Variants in HS3ST3A1 observed in about 807,000 individuals in gnomAD.
HS3ST3A1 encodes the protein heparan sulfate glucosamine 3-O-sulfotransferase 3A1.
HS3ST3A1 carries 19 observed loss-of-function variants against 25.7 expected under a neutral mutation model. The ratio of observed to expected loss-of-function variants is 0.74; its 90% CI spans 0.52 to 1.08. The LOEUF is 1.08. Ranked by LOEUF, HS3ST3A1 falls within the 50% of genes least tolerant of loss-of-function variation. The pLI, the probability that HS3ST3A1 is intolerant of heterozygous loss-of-function variation, is 0.00. For missense variants in HS3ST3A1, 459 were observed against 594.3 expected (o/e 0.77, Z 2.37); for synonymous variants, 226 against 278.6 (o/e 0.81, Z 1.88).
chr17:13,523,999 G>A (rs1906331382), intron 1 of HS3ST3A1, among the ~76,000 whole-genome samples: 1 of 151,972 alleles, frequency 6.6e-6, no homozygotes, highest in Admixed American at 6.6e-5. Context: ...AAACATGATA[G>A]GTATATAGTG....
intron 1 of HS3ST3A1, among the ~76,000 whole-genome samples, chr17:13,522,610 C>T (rs997529456): frequency 9.2e-5 from 14 of 152,002 alleles, no homozygotes; most frequent in African/African-American, 3.4e-4. Context: ...TTTCAGGAGA[C>T]AATTATTAAG....
rs1362692825 is a variant in HS3ST3A1, at chr17:13,494,129, T to C, written c.*2068A>G. 6.6e-6 allele frequency among the ~76,000 whole-genome samples: 1 copy of C among 152,246 alleles called. No individual in the cohort carries two copies. On this transcript the variant is annotated 3_prime_UTR_variant, in exon 2 of 2. Coordinates refer to ENST00000284110, the MANE Select transcript of HS3ST3A1 (RefSeq NM_006042.3). The stretch of plus-strand genomic sequence containing the variant: ...CTTTGTGCAAGCCACTTTTGCATAA[T>C]GCCAAGCAAACACTTACAAAAGAAT...
intron 1 of HS3ST3A1, among the ~76,000 whole-genome samples, chr17:13,547,508 C>T (rs944960169): frequency 6.6e-6 from 1 of 152,090 alleles, no homozygotes; most frequent in Non-Finnish European, 1.5e-5. Flanking sequence ...CCATAAAAGC[C>T]CCTAAACAAC....
chr17:13,547,312 G>A (rs139906948), intron 1 of HS3ST3A1, among the ~76,000 whole-genome samples: 1 of 152,198 alleles, frequency 6.6e-6, no homozygotes, highest in Non-Finnish European at 1.5e-5. Flanking sequence ...TAAATGTGAT[G>A]ACTGATGGTT....
chr17:13,575,953 T>C (rs746754408), intron 1 of HS3ST3A1, among the ~76,000 whole-genome samples: 1 of 152,216 alleles, frequency 6.6e-6, no homozygotes, highest in Non-Finnish European at 1.5e-5. Context: ...TCCACACTAG[T>C]AGCATCAGCA....
intron 1 of HS3ST3A1, among the ~76,000 whole-genome samples, chr17:13,561,490 G>A (rs7210309): frequency 0.025 from 3,766 of 151,684 alleles, 143 homozygotes; most frequent in African/African-American, 0.086. Context: ...GGGTTTAAGC[G>A]ATTCTCCTGC....
intron 1 of HS3ST3A1, among the ~76,000 whole-genome samples, chr17:13,561,097 A>T (rs1375946374): frequency 1.3e-5 from 2 of 152,148 alleles, no homozygotes; most frequent in African/African-American, 4.8e-5. Flanking sequence ...CTTTTAAAAG[A>T]TGCAGAGATG....
intron 1 of HS3ST3A1, among the ~76,000 whole-genome samples, chr17:13,541,363 C>T (rs1257878480): frequency 3.3e-5 from 5 of 152,168 alleles, no homozygotes; most frequent in Admixed American, 3.3e-4. Context: ...TTAGCCACAG[C>T]TCAAAAGGTT....
In HS3ST3A1 at chr17:13,601,097, G is replaced by A; in HGVS notation, c.33C>T (p.Ser11=). Residue 11 remains serine, a synonymous_variant, in exon 1 of 2, where the codon TCC becomes TCT. Transcript: ENST00000284110. The stretch of plus-strand genomic sequence containing the variant: ...TGCGGGACAGCGGCTCGGCCGAGGT[G>A]GAGAGGGCACTGGCCGGGCCCGGAG... The part of the protein sequence containing the change: MAPPGPASAL[S]TSAEPLSRSI... 4 of 1,589,788 alleles carry A rather than the reference G, an allele frequency of 2.5e-6. No homozygotes were observed. Among genetic ancestry groups the A allele is most frequent in the Middle Eastern group, 1.7e-4 (1 of 5,990 alleles).
Position 13,600,959 on chromosome 17 carries a change from G to A in HS3ST3A1, c.171C>T (p.Ser57=), listed in dbSNP as rs111255219. The change falls in exon 1 of 2, where the codon TCC becomes TCT. Residue 57 remains serine, a synonymous_variant. Transcript: ENST00000284110. ...QTLSGPVVGL[S]GGGEEAGAPG... is the part of the protein sequence containing the mutation. The stretch of plus-strand genomic sequence containing the variant: ...GGGCCCCCGCCTCCTCGCCGCCGCC[G>A]GACAGCCCCACGACGGGGCCGGACA... 1.5e-4 allele frequency: 235 copies of A among 1,543,080 alleles called. No homozygotes were observed. Among genetic ancestry groups the A allele is most frequent in the East Asian group, 5.1e-5 (2 of 39,398 alleles).
intron 1 of HS3ST3A1, among the ~76,000 whole-genome samples, chr17:13,585,990 G>A (rs959611845): frequency 2.6e-5 from 4 of 151,136 alleles, no homozygotes; most frequent in Admixed American, 6.6e-5. Context: ...CTGGGACTAC[G>A]GGCGCGGACT....
chr17:13,509,168 T>C (rs1359280317), intron 1 of HS3ST3A1, among the ~76,000 whole-genome samples: 1 of 152,180 alleles, frequency 6.6e-6, no homozygotes, highest in Non-Finnish European at 1.5e-5. Flanking sequence ...AGTTGGGCTT[T>C]AGCCTTCAGT....
At chr17:13,585,227 T>A (rs1164450458) in intron 1 of HS3ST3A1, among the ~76,000 whole-genome samples, 5 of 122,812 alleles carry the variant, frequency 4.1e-5, no homozygotes, top group African/African-American at 1.6e-4. Flanking sequence ...TGAGACAGAG[T>A]CTTGCTCTGT....
intron 1 of HS3ST3A1, among the ~76,000 whole-genome samples, chr17:13,525,017 C>G (rs896394919): frequency 6.6e-6 from 1 of 152,048 alleles, no homozygotes; most frequent in Admixed American, 6.5e-5. Context: ...TTGCCTGATG[C>G]TAATTTTGTT....
At position 13,550,764 on chromosome 17, in the gene HS3ST3A1, A is replaced by C. The variant is rs559066117; in HGVS notation, c.599+49767T>G. 2.6e-5 allele frequency among the ~76,000 whole-genome samples: 4 copies of C among 152,206 alleles called. No individual in the cohort carries two copies. The South Asian group carries it at 8.3e-4, about 32-fold the overall frequency. ...CAGATATAAAGATAAACAAGATGCG[A>C]TATTTTTTAAAAATTCAAATCAGGC... On this transcript the variant is annotated intron_variant, in intron 1 of 1. Coordinates refer to ENST00000284110, the MANE Select transcript of HS3ST3A1 (RefSeq NM_006042.3).
At chr17:13,515,471 G>GTTT (rs33924561) in intron 1 of HS3ST3A1, among the ~76,000 whole-genome samples, 2,516 of 107,586 alleles carry the variant, frequency 0.023, 115 homozygotes, top group African/African-American at 0.066. Context: ...GTTTGTTTCA[G>GTTT]TTTTTTTTTT....
At chr17:13,535,155 C>A (rs866456141) in intron 1 of HS3ST3A1, among the ~76,000 whole-genome samples, 2 of 152,308 alleles carry the variant, frequency 1.3e-5, no homozygotes, top group Middle Eastern at 6.8e-3. Flanking sequence ...ATGCTCAAAT[C>A]ATAATCTTGT....
chr17:13,601,149 G>A lies in HS3ST3A1; in HGVS notation c.-20C>T, dbSNP rs774700444. The A allele has an allele frequency of 4.7e-6, 7 of 1,493,668 alleles. No individual in the cohort carries two copies. The highest frequency in any genetic ancestry group is 2.7e-5 in the East Asian group (1 of 37,668). 92.5% of individuals were successfully genotyped at this position (1,493,668 alleles called of 1,614,324 possible). ...GGCCATCCTAGCCGGAGGCGACGTC[G>A]GGCAACGCGCCGGCCATGCTAGGCC... On this transcript the variant is annotated 5_prime_UTR_variant, in exon 1 of 2. Coordinates refer to ENST00000284110, the MANE Select transcript of HS3ST3A1 (RefSeq NM_006042.3).
chr17:13,519,777 T>G (rs1445684505), intron 1 of HS3ST3A1, among the ~76,000 whole-genome samples: 1 of 151,814 alleles, frequency 6.6e-6, no homozygotes, highest in Non-Finnish European at 1.5e-5. Flanking sequence ...CTTTACCAAG[T>G]CTAGAAAAAA....
Sources: allele counts gnomAD v4.1 joint callset (sites outside exome capture counted in the v4.1 genomes callset), GRCh38; gene constraint gnomAD v4.1.1; transcripts MANE v1.5; gene names NCBI Gene and HGNC (gene_info 2026-07-23, HGNC 2026-07-21).